The following COL21A1 variants were observed in gnomAD, a reference collection of about 807,000 sequenced individuals.
COL21A1 encodes collagen alpha-1(XXI) chain.
Under a neutral mutation model 137.9 loss-of-function variants are expected in COL21A1, and 149 were observed. That is an observed-to-expected ratio of 1.08 (90% CI 0.95 to 1.24). The LOEUF (loss-of-function observed/expected upper bound fraction) is 1.24. COL21A1 is among the 50% of genes most tolerant of loss of function. The probability of loss-of-function intolerance (pLI) is 0.00; values close to 1 mark genes in which losing one functional copy is unlikely to be tolerated. For synonymous variants in COL21A1, 456 were observed against 391.5 expected (o/e 1.16, Z -1.95); for missense variants, 1,167 against 1,158.4 (o/e 1.01, Z -0.11).
chr6:56,113,972 C>T (rs564903851), intron 16 of COL21A1, among the ~76,000 whole-genome samples: 1 of 152,320 alleles, frequency 6.6e-6, no homozygotes, highest in South Asian at 2.1e-4. Context: ...GGTGAGGCTC[C>T]TCTGCCTTTG....
intron 1 of COL21A1, among the ~76,000 whole-genome samples, chr6:56,340,109 T>C (rs1765432155): frequency 6.6e-6 from 1 of 152,132 alleles, no homozygotes; most frequent in South Asian, 2.1e-4. Flanking sequence ...TAATTAAAAA[T>C]ATTTTTCTTT....
At chr6:56,275,073 T>C (rs1483244370) in intron 1 of COL21A1, among the ~76,000 whole-genome samples, 1 of 152,074 alleles carries the variant, frequency 6.6e-6, no homozygotes, top group Non-Finnish European at 1.5e-5. Flanking sequence ...ACTGCAACCA[T>C]CTGATCTTTG....
chr6:56,282,880 T>C (rs937120758), intron 1 of COL21A1, among the ~76,000 whole-genome samples: 1 of 152,162 alleles, frequency 6.6e-6, no homozygotes, highest in Non-Finnish European at 1.5e-5. Context: ...GCCACTTGAG[T>C]TAATAAACTC....
chr6:56,206,666 A>G (rs1582640333), intron 1 of COL21A1, among the ~76,000 whole-genome samples: 1 of 146,748 alleles, frequency 6.8e-6, no homozygotes, highest in Non-Finnish European at 1.5e-5. Flanking sequence ...AGAACCCTCC[A>G]CCCCAATTCA....
At chr6:56,199,841 T>G (rs1482162346) in intron 1 of COL21A1, among the ~76,000 whole-genome samples, 1 of 152,156 alleles carries the variant, frequency 6.6e-6, no homozygotes, top group Non-Finnish European at 1.5e-5. Context: ...CTCTTTTAGG[T>G]GCTGGGAATT....
At chr6:56,069,257 G>T (rs921689941) in intron 21 of COL21A1, 140 bp from the exon 22 acceptor site, 13 of 460,276 alleles carry the variant, frequency 2.8e-5, no homozygotes, top group African/African-American at 2.7e-4. Context: ...AAATAGTAAA[G>T]AATAAAATGT....
chr6:56,158,266 C>CTTTCTTTTTTTTTTTTT (rs1775924158), intron 9 of COL21A1, among the ~76,000 whole-genome samples: 1 of 62,406 alleles, frequency 1.6e-5, no homozygotes. Flanking sequence ...TTTTTTTTTT[C>CTTTCTTTTTTTTTTTTT]TTTTTTTTTT....
At chr6:56,267,646 C>T (rs2152331806) in intron 1 of COL21A1, among the ~76,000 whole-genome samples, 1 of 151,870 alleles carries the variant, frequency 6.6e-6, no homozygotes, top group East Asian at 1.9e-4. Context: ...ATCCCAGCTA[C>T]TCGGGAGGCT....
In COL21A1 at chr6:56,067,344, G is replaced by A. The variant is rs765550824; in HGVS notation, c.2092-14C>T. The A allele has an allele frequency of 8.1e-6, 13 of 1,604,650 alleles. No homozygotes were observed. In the South Asian group the frequency reaches 1.2e-4, roughly 15 times the overall value. The stretch of plus-strand genomic sequence containing the variant: ...TCCTTTGTCCCCCTACAAAAAGGCA[G>A]TTTGATCTGTATCATAATCTAGCAT... On this transcript the variant is annotated splice_polypyrimidine_tract_variant and intron_variant, in intron 22 of 29. Transcript: ENST00000244728.
At chr6:56,188,190 A>G (rs1240635811) in intron 1 of COL21A1, among the ~76,000 whole-genome samples, 4 of 152,206 alleles carry the variant, frequency 2.6e-5, no homozygotes, top group Non-Finnish European at 5.9e-5. Flanking sequence ...TGTTGGTGAG[A>G]TTGAAAACAG....
intron 5 of COL21A1, among the ~76,000 whole-genome samples, chr6:56,168,821 C>A (rs983340173): frequency 1.3e-5 from 2 of 150,166 alleles, no homozygotes; most frequent in African/African-American, 2.5e-5. Flanking sequence ...TTTTCACCCC[C>A]TCTTTGACTC....
chr6:56,222,030 T>C (rs1261204150), intron 1 of COL21A1, among the ~76,000 whole-genome samples: 1 of 152,068 alleles, frequency 6.6e-6, no homozygotes, highest in Non-Finnish European at 1.5e-5. Flanking sequence ...CCCAGCACTT[T>C]GGGAGGCCGA....
chr6:56,250,693 A>G (rs1436108162), upstream of COL21A1, among the ~76,000 whole-genome samples: 1 of 152,186 alleles, frequency 6.6e-6, no homozygotes, highest in African/African-American at 2.4e-5. Context: ...TGTGATATTA[A>G]CTATTTGTGA....
chr6:56,128,358 C>T (rs62412821), intron 12 of COL21A1, among the ~76,000 whole-genome samples: 22,835 of 152,086 alleles, frequency 0.15, 1,749 homozygotes, highest in Middle Eastern at 0.22. Context: ...CCAAGACTTT[C>T]TGTTTGTTGA....
In COL21A1 at chr6:56,070,727, C is replaced by G; in HGVS notation, c.2019+18G>C. 6.5e-7 allele frequency: 1 copy of G among 1,540,722 alleles called. No homozygotes were observed. Among genetic ancestry groups the G allele is most frequent in the Non-Finnish European group, 8.8e-7 (1 of 1,141,322 alleles). The stretch of plus-strand genomic sequence containing the variant: ...ATTATAATTTCTTTGAAAATATTTT[C>G]AAATGCATCAAAATTACCTTGAGCC... On this transcript the variant is annotated intron_variant, in intron 21 of 29. Coordinates refer to ENST00000244728, the MANE Select transcript of COL21A1 (RefSeq NM_030820.4).
chr6:56,092,105 GA>G (rs879482011), intron 17 of COL21A1, among the ~76,000 whole-genome samples: 31 of 149,428 alleles, frequency 2.1e-4, no homozygotes, highest in Admixed American at 9.4e-4. Flanking sequence ...TCTTTTAAAA[GA>G]AAAAAAAACA....
At chr6:56,176,574 T>G (rs1280386128) in intron 3 of COL21A1, among the ~76,000 whole-genome samples, 1 of 144,722 alleles carries the variant, frequency 6.9e-6, no homozygotes, top group Non-Finnish European at 1.5e-5. Context: ...TGTTACCTCA[T>G]ACATGTTAGG....
intron 1 of COL21A1, among the ~76,000 whole-genome samples, chr6:56,242,670 C>T (rs997181020): frequency 6.6e-6 from 1 of 152,170 alleles, no homozygotes; most frequent in East Asian, 1.9e-4. Context: ...TTGGTAAAAA[C>T]CAAAATGTCC....
chr6:56,245,538 T>G (rs559454443), intron 1 of COL21A1, among the ~76,000 whole-genome samples: 1 of 152,370 alleles, frequency 6.6e-6, no homozygotes, highest in South Asian at 2.1e-4. Context: ...TGTGTATACA[T>G]GAGTTTGTAT....
Sources: gnomAD v4.1 joint callset for allele counts (sites outside exome capture counted in the v4.1 genomes callset) on GRCh38, gnomAD v4.1.1 for gene constraint, MANE v1.5 for transcripts, NCBI Gene and HGNC (gene_info 2026-07-23, HGNC 2026-07-21) for gene names.